The following ENTREP2 variants were observed in gnomAD, a reference collection of about 807,000 sequenced individuals.
The protein encoded by ENTREP2 is endosomal transmembrane epsin interactor 2, also known as protein ENTREP2.
chr15:29,254,885 C>T, the ENTREP2 span, among the ~76,000 whole-genome samples: 1 of 152,064 alleles, frequency 6.6e-6, no homozygotes, highest in Non-Finnish European at 1.5e-5. Context: ...AACCTGGTTC[C>T]CTAGCATCCT....
the ENTREP2 span, among the ~76,000 whole-genome samples, chr15:29,306,064 T>A: frequency 6.6e-6 from 1 of 152,262 alleles, no homozygotes; most frequent in East Asian, 1.9e-4. Flanking sequence ...AATCACTGAC[T>A]GCGGGATTTG....
At chr15:29,135,118 C>A in the ENTREP2 span, among the ~76,000 whole-genome samples, 1 of 151,596 alleles carries the variant, frequency 6.6e-6, no homozygotes, top group African/African-American at 2.4e-5. The surrounding 1 kb of genome is among the most constrained non-coding windows in gnomAD (Gnocchi z 7.4). Flanking sequence ...CAGCCCCTAC[C>A]CCCGCCCCTC....
the ENTREP2 span, among the ~76,000 whole-genome samples, chr15:29,423,647 A>G: frequency 1.4e-5 from 2 of 143,484 alleles, no homozygotes; most frequent in Non-Finnish European, 3.0e-5. Context: ...AAAAAAAAAA[A>G]ATTAGCCGGA....
the ENTREP2 span, among the ~76,000 whole-genome samples, chr15:29,366,986 G>A: frequency 1.3e-5 from 2 of 152,078 alleles, no homozygotes; most frequent in African/African-American, 2.4e-5. Flanking sequence ...GGAGAGAGAT[G>A]ACATCAGAAA....
the ENTREP2 span, among the ~76,000 whole-genome samples, chr15:29,192,792 A>C: frequency 6.6e-6 from 1 of 152,226 alleles, no homozygotes; most frequent in South Asian, 2.1e-4. Flanking sequence ...TTATCTTGGG[A>C]ATGCAAGGCT....
chr15:29,374,915 G>T, the ENTREP2 span: 1 of 152,024 alleles, frequency 6.6e-6, no homozygotes, highest in Non-Finnish European at 1.5e-5. Context: ...TTCATCAGTA[G>T]AAGTTCAACT....
chr15:29,490,639 G>T, the ENTREP2 span, among the ~76,000 whole-genome samples: 2 of 152,180 alleles, frequency 1.3e-5, no homozygotes, highest in Non-Finnish European at 2.9e-5. Context: ...CCTCTAGCTA[G>T]GTGTAAAAGT....
At chr15:29,468,171 G>A in the ENTREP2 span, among the ~76,000 whole-genome samples, 2 of 152,204 alleles carry the variant, frequency 1.3e-5, no homozygotes, top group South Asian at 2.1e-4. Flanking sequence ...AACAGTGATC[G>A]ACTGTAAAGC....
the ENTREP2 span, chr15:29,136,545 G>A: frequency 1.3e-6 from 2 of 1,536,700 alleles, no homozygotes; most frequent in Non-Finnish European, 8.8e-7. Context: ...CGAAGGAGGA[G>A]GCAGAAGTGC....
At chr15:29,247,743 A>C in the ENTREP2 span, among the ~76,000 whole-genome samples, 1 of 151,866 alleles carries the variant, frequency 6.6e-6, no homozygotes, top group African/African-American at 2.4e-5. Flanking sequence ...GTCTGTAAAA[A>C]AAAAGTAGCC....
At chr15:29,669,868 T>C in the ENTREP2 span, among the ~76,000 whole-genome samples, 4 of 152,208 alleles carry the variant, frequency 2.6e-5, no homozygotes, top group African/African-American at 9.6e-5. Context: ...AAGCATTAGC[T>C]GTACGTGGCA....
At chr15:29,473,629 G>A in the ENTREP2 span, among the ~76,000 whole-genome samples, 1 of 152,218 alleles carries the variant, frequency 6.6e-6, no homozygotes, top group Non-Finnish European at 1.5e-5. Flanking sequence ...AGACTTCAGT[G>A]CTCAGGGTGA....
the ENTREP2 span, among the ~76,000 whole-genome samples, chr15:29,487,276 GAAGAAGCC>G: frequency 1.4e-4 from 21 of 152,196 alleles, no homozygotes; most frequent in Non-Finnish European, 7.3e-5. Context: ...CGCATGCTCA[GAAGAAGCC>G]TGAGAAGACC....
chr15:29,443,534 T>A, the ENTREP2 span, among the ~76,000 whole-genome samples: 2 of 152,202 alleles, frequency 1.3e-5, no homozygotes, highest in South Asian at 4.1e-4. Flanking sequence ...GGTGGGTGTT[T>A]CTCGCCCACT....
the ENTREP2 span, among the ~76,000 whole-genome samples, chr15:29,368,709 C>CA: frequency 1.3e-5 from 2 of 151,106 alleles, no homozygotes; most frequent in East Asian, 2.0e-4. Context: ...CTATCATTAA[C>CA]AAAAAAAATA....
chr15:29,597,390 G>A, the ENTREP2 span, among the ~76,000 whole-genome samples: 3 of 151,956 alleles, frequency 2.0e-5, no homozygotes, highest in African/African-American at 7.3e-5. Context: ...CCAACATGGA[G>A]AAACCCCATC....
the ENTREP2 span, among the ~76,000 whole-genome samples, chr15:29,451,080 C>A: frequency 6.6e-6 from 1 of 151,998 alleles, no homozygotes; most frequent in African/African-American, 2.4e-5. Context: ...GTATAACAAA[C>A]CTGCACTGAA....
the ENTREP2 span, among the ~76,000 whole-genome samples, chr15:29,178,286 C>A: frequency 7.3e-6 from 1 of 137,572 alleles, no homozygotes; most frequent in Non-Finnish European, 1.5e-5. Context: ...AGAGCAAGAA[C>A]CTGTCTTAAA....
the ENTREP2 span, among the ~76,000 whole-genome samples, chr15:29,131,558 T>C: frequency 8.5e-6 from 1 of 118,184 alleles, no homozygotes; most frequent in Non-Finnish European, 1.7e-5. Context: ...CCATGCGCCT[T>C]AGCTGGTGCT....
Sources: allele counts gnomAD v4.1 joint callset (sites outside exome capture counted in the v4.1 genomes callset), GRCh38; gene constraint gnomAD v4.1.1; non-coding constraint Gnocchi (gnomAD v3.1); transcripts MANE v1.5; gene names NCBI Gene and HGNC (gene_info 2026-07-23, HGNC 2026-07-21).